Variants in ANO2 observed in about 807,000 individuals in gnomAD.
ANO2 encodes anoctamin-2.
In ANO2, 101 loss-of-function variants were observed where a neutral mutation model predicts 124.2. That is an observed-to-expected ratio of 0.81 (90% CI 0.69 to 0.96). The LOEUF (loss-of-function observed/expected upper bound fraction) is 0.96. ANO2 is among the 40% of genes least tolerant of loss of function. The pLI is 0.00. For missense variants in ANO2, 1,293 were observed against 1,274.5 expected (o/e 1.01, Z -0.22); for synonymous variants, 486 against 482.5 (o/e 1.01, Z -0.09).
chr12:5,788,247 C>A (rs1335240726), intron 10 of ANO2, among the ~76,000 whole-genome samples: 2 of 152,208 alleles, frequency 1.3e-5, no homozygotes. Context: ...CAGAGCTTTC[C>A]CATTCAACCC....
chr12:5,582,308 A>G (rs961812331), intron 20 of ANO2, among the ~76,000 whole-genome samples: 2 of 152,028 alleles, frequency 1.3e-5, no homozygotes, highest in African/African-American at 4.8e-5. Flanking sequence ...AAGGCTGGAA[A>G]CTCCTCCATG....
At chr12:5,945,695 G>GT (rs775040551), upstream of ANO2, among the ~76,000 whole-genome samples, 1 of 152,266 alleles carries the variant, frequency 6.6e-6, no homozygotes, top group Non-Finnish European at 1.5e-5. Context: ...TGGGGCGGGA[G>GT]TGGGGGCGAG....
At chr12:5,886,636 A>G (rs537517166) in intron 3 of ANO2, among the ~76,000 whole-genome samples, 1 of 152,336 alleles carries the variant, frequency 6.6e-6, no homozygotes, top group East Asian at 1.9e-4. Context: ...ACTTTGGTAG[A>G]TGTTGGATAT....
chr12:5,781,996 A>G (rs766996228), intron 10 of ANO2, among the ~76,000 whole-genome samples: 2 of 152,236 alleles, frequency 1.3e-5, no homozygotes, highest in Non-Finnish European at 2.9e-5. Context: ...CAAGTCTACT[A>G]TATTCTTACT....
chr12:5,633,682 G>A (rs1256746694), intron 16 of ANO2, among the ~76,000 whole-genome samples: 1 of 152,144 alleles, frequency 6.6e-6, no homozygotes, highest in African/African-American at 2.4e-5. Context: ...CCGGCACCGG[G>A]CTCCCCTGGC....
chr12:5,897,664 A>G (rs968494944), intron 3 of ANO2, among the ~76,000 whole-genome samples: 2 of 152,132 alleles, frequency 1.3e-5, no homozygotes, highest in Admixed American at 1.3e-4. Flanking sequence ...CGTTCAATAA[A>G]TGACGTTGGG....
intron 1 of ANO2, among the ~76,000 whole-genome samples, chr12:5,941,081 G>A (rs897097988): frequency 7.2e-5 from 11 of 152,138 alleles, no homozygotes; most frequent in African/African-American, 2.7e-4. Flanking sequence ...GTGGATTCGC[G>A]GTTGCCAAGG....
At chr12:5,745,833 C>T (rs1951250623) in intron 11 of ANO2, among the ~76,000 whole-genome samples, 1 of 152,180 alleles carries the variant, frequency 6.6e-6, no homozygotes, top group Non-Finnish European at 1.5e-5. Flanking sequence ...ATACATTCAG[C>T]TGTGCTAGTT....
intron 10 of ANO2, among the ~76,000 whole-genome samples, chr12:5,761,484 A>G (rs972466668): frequency 3.9e-5 from 6 of 152,174 alleles, no homozygotes; most frequent in African/African-American, 1.2e-4. Context: ...CCATGTGCAA[A>G]AACATAATTT....
chr12:5,827,050 C>A (rs565515830), intron 7 of ANO2, among the ~76,000 whole-genome samples: 20 of 152,274 alleles, frequency 1.3e-4, no homozygotes, highest in Admixed American at 1.2e-3. Context: ...GGTGTTTGTG[C>A]GTGACTTTTT....
chr12:5,926,392 C>A (rs1190164826), intron 1 of ANO2, among the ~76,000 whole-genome samples: 1 of 152,188 alleles, frequency 6.6e-6, no homozygotes, highest in Non-Finnish European at 1.5e-5. Context: ...CTGGCCAGGA[C>A]ACCCTCAAGA....
At position 5,689,666 on chromosome 12, in the gene ANO2, A is replaced by G. The variant is rs553301671; in HGVS notation, c.1546-41865T>C. Among the ~76,000 whole-genome samples the G allele has an allele frequency of 6.1e-4, 93 of 152,230 alleles. 1 individual carries two copies. Among genetic ancestry groups the G allele is most frequent in the African/African-American group, 2.1e-3 (89 of 41,548 alleles). On this transcript the variant is annotated intron_variant, in intron 14 of 24. Transcript: ENST00000682330. ...TGGTGTGCTTTTCTTCCATCCCAGC[A>G]TAACACACAAGTAGGTGGACACGGA... is the stretch of plus-strand genomic sequence containing the variant.
At chr12:5,851,779 A>C (rs1269212031) in intron 4 of ANO2, among the ~76,000 whole-genome samples, 2 of 151,934 alleles carry the variant, frequency 1.3e-5, no homozygotes, top group Non-Finnish European at 2.9e-5. Context: ...TGGGGGGTGG[A>C]AGGAAGAGAG....
intron 14 of ANO2, among the ~76,000 whole-genome samples, chr12:5,722,249 G>T (rs995566887): frequency 6.6e-6 from 1 of 152,224 alleles, no homozygotes; most frequent in Admixed American, 6.5e-5. Context: ...GCTCACGCCT[G>T]TAATCCCAGC....
rs1947260105 is a variant in ANO2, at chr12:5,658,240, AC to A, written c.1546-10440del. Among the ~76,000 whole-genome samples the A allele has an allele frequency of 6.6e-6, 1 of 152,064 alleles. No homozygotes were observed. The highest frequency in any genetic ancestry group is 2.4e-5 in the African/African-American group (1 of 41,392). On this transcript the variant is annotated intron_variant, in intron 14 of 24. Transcript: ENST00000682330. This position sits in a 1 kb window ranked among gnomAD's most constrained non-coding sequence, Gnocchi z 4.3. ...AACTTCTCTATACCTCCACTTCCTC[AC>A]CCATAACAAAGAGATTGAAAATAGT... is the stretch of plus-strand genomic sequence containing the variant.
chr12:5,933,673 A>ACTT (rs1286202234), intron 1 of ANO2, among the ~76,000 whole-genome samples: 1 of 152,228 alleles, frequency 6.6e-6, no homozygotes, highest in Non-Finnish European at 1.5e-5. Context: ...GCATCCAAAG[A>ACTT]CTTACACAGC....
intron 16 of ANO2, among the ~76,000 whole-genome samples, chr12:5,629,804 G>A (rs112401815): frequency 2.8e-4 from 43 of 152,224 alleles, no homozygotes; most frequent in South Asian, 1.0e-3. Flanking sequence ...CTCCCTCTAG[G>A]ACACAGCTCC....
At chr12:5,877,684 T>C (rs1166803557) in intron 3 of ANO2, among the ~76,000 whole-genome samples, 3 of 152,232 alleles carry the variant, frequency 2.0e-5, no homozygotes. Context: ...CCAACCTTTT[T>C]GGCACCAGGG....
chr12:5,825,150 C>A (rs1953918927), intron 7 of ANO2, among the ~76,000 whole-genome samples: 2 of 152,150 alleles, frequency 1.3e-5, no homozygotes, highest in Admixed American at 1.3e-4. Context: ...CTGACCAAGG[C>A]ACTCACTTTA....
Sources: allele counts gnomAD v4.1 joint callset (sites outside exome capture counted in the v4.1 genomes callset), GRCh38; gene constraint gnomAD v4.1.1; non-coding constraint Gnocchi (gnomAD v3.1); transcripts MANE v1.5; gene names NCBI Gene and HGNC (gene_info 2026-07-23, HGNC 2026-07-21).